RETREG1: variants seen among roughly 807,000 people sequenced by gnomAD.
RETREG1 encodes family with sequence similarity 134 member B.
Under a neutral mutation model 54.8 loss-of-function variants are expected in RETREG1, and 44 were observed. That is an observed-to-expected ratio of 0.80 (90% CI 0.63 to 1.03). RETREG1 has a LOEUF of 1.03. Among genes scored for constraint, RETREG1 ranks in the 50% least tolerant of loss-of-function variants. The probability of loss-of-function intolerance (pLI) is 0.00; values close to 1 mark genes in which losing one functional copy is unlikely to be tolerated. For synonymous variants in RETREG1, 217 were observed against 238.5 expected (o/e 0.91, Z 0.83); for missense variants, 554 against 605.1 (o/e 0.92, Z 0.89).
chr5:16,540,926 G>A (rs185238954), intron 3 of RETREG1, among the ~76,000 whole-genome samples: 40 of 152,268 alleles, frequency 2.6e-4, no homozygotes, highest in African/African-American at 8.9e-4. Flanking sequence ...CCAAGTAGAC[G>A]GGGAAAAGCA....
chr5:16,540,865 G>C (rs1453845311), intron 3 of RETREG1, among the ~76,000 whole-genome samples: 10 of 152,182 alleles, frequency 6.6e-5, no homozygotes, highest in Non-Finnish European at 1.5e-4. Context: ...CTATGTCTAT[G>C]TTAACCATGG....
chr5:16,533,609 C>A (rs1740976498), intron 3 of RETREG1, among the ~76,000 whole-genome samples: 1 of 152,230 alleles, frequency 6.6e-6, no homozygotes, highest in Non-Finnish European at 1.5e-5. Context: ...AGAATTCACA[C>A]CCCCATGGGT....
chr5:16,568,078 C>G (rs1449192275), intron 2 of RETREG1, among the ~76,000 whole-genome samples: 1 of 152,028 alleles, frequency 6.6e-6, no homozygotes, highest in Non-Finnish European at 1.5e-5. Context: ...GAGGAGTTTT[C>G]CAGGCCATAG....
At chr5:16,501,819 A>G (rs1579615752) in intron 3 of RETREG1, among the ~76,000 whole-genome samples, 1 of 152,338 alleles carries the variant, frequency 6.6e-6, no homozygotes, top group East Asian at 1.9e-4. Context: ...TGCTGGGATT[A>G]CAGGCATGAG....
At chr5:16,479,087 T>G (rs1451409366) in intron 5 of RETREG1, 100 bp from the exon 6 acceptor site, 1 of 1,071,120 alleles carries the variant, frequency 9.3e-7, no homozygotes, top group Non-Finnish European at 1.4e-6. Context: ...ACTGAAAAAC[T>G]TAAGTTTTTT....
intron 3 of RETREG1, among the ~76,000 whole-genome samples, chr5:16,553,231 T>C (rs1225675777): frequency 2.0e-5 from 3 of 152,126 alleles, no homozygotes; most frequent in African/African-American, 7.2e-5. Context: ...AAATAAGTTG[T>C]GATATAGTCC....
In RETREG1 at chr5:16,477,761, A is replaced by ACT. The variant is rs746122377; in HGVS notation, c.899_900dup (p.Leu301SerfsTer54). 1 of 1,613,438 alleles carries ACT rather than the reference A, an allele frequency of 6.2e-7. No individual in the cohort carries two copies. Among genetic ancestry groups the ACT allele is most frequent in the Admixed American group, 1.7e-5 (1 of 59,912 alleles). The stretch of plus-strand genomic sequence containing the variant: ...GAGACGTCTGTGTCAGACACAGATA[A>ACT]CTCTTTGGCAGCAACCGTGAGGCTA... On this transcript the variant is annotated frameshift_variant, in exon 8 of 9. Transcript: ENST00000306320. LOFTEE classifies it high-confidence loss of function.
chr5:16,572,085 G>A lies in RETREG1; in HGVS notation c.338C>T (p.Pro113Leu). The A allele has an allele frequency of 6.2e-7, 1 of 1,613,002 alleles. No individual in the cohort carries two copies. Reference sequence around the variant, plus strand: ...GGAAATCAGGTGATATACTCTCCATGGAGTCAATGCAAGGAACCTGCAACA... The same window carrying A: ...GGAAATCAGGTGATATACTCTCCATAGAGTCAATGCAAGGAACCTGCAACA... ...NLLFWFLALT[P>L]WRVYHLISVM... Residue 113 changes from proline (P) to leucine (L), a missense_variant, in exon 2 of 9, where the codon CCA becomes CTA. This residue lies in a region of RETREG1 where 347 missense variants were observed against 412.3 expected (regional missense o/e 0.84). Transcript: ENST00000306320.
chr5:16,563,748 T>G (rs1165564477), intron 3 of RETREG1, among the ~76,000 whole-genome samples: 1 of 152,218 alleles, frequency 6.6e-6, no homozygotes, highest in Non-Finnish European at 1.5e-5. Context: ...TTGTTTTTAT[T>G]GAAAAGTTTT....
chr5:16,500,293 G>A (rs958002487), intron 3 of RETREG1, among the ~76,000 whole-genome samples: 2 of 152,184 alleles, frequency 1.3e-5, no homozygotes, highest in African/African-American at 2.4e-5. Context: ...TCCAGGTTTT[G>A]CCGCATGCCT....
At chr5:16,510,055 TTGTTA>T (rs1740119166) in intron 3 of RETREG1, among the ~76,000 whole-genome samples, 1 of 147,398 alleles carries the variant, frequency 6.8e-6, no homozygotes, top group Admixed American at 6.6e-5. Flanking sequence ...GTGTATTCTG[TTGTTA>T]TGTTATAGCT....
intron 2 of RETREG1, among the ~76,000 whole-genome samples, chr5:16,570,660 G>T (rs771341486): frequency 4.6e-5 from 7 of 152,170 alleles, no homozygotes; most frequent in Non-Finnish European, 1.0e-4. Context: ...TACCAGATAT[G>T]AGTCAAGGCA....
chr5:16,502,043 G>A (rs376211231), intron 3 of RETREG1, among the ~76,000 whole-genome samples: 106 of 147,606 alleles, frequency 7.2e-4, no homozygotes, highest in African/African-American at 2.5e-3. Context: ...TGCAAGCTCC[G>A]CCTCCTGGGT....
At chr5:16,481,719 A>C (rs1232777742) in intron 4 of RETREG1, among the ~76,000 whole-genome samples, 1 of 151,994 alleles carries the variant, frequency 6.6e-6, no homozygotes, top group African/African-American at 2.4e-5. Context: ...TTGAAATGAA[A>C]CTCCTACAGT....
Position 16,508,730 on chromosome 5 carries a change from C to T in RETREG1, c.459-25258G>A. The T allele has an allele frequency of 1.9e-6, 3 of 1,557,192 alleles. 1 individual carries two copies. Among genetic ancestry groups the T allele is most frequent in the Middle Eastern group, 3.4e-4 (2 of 5,898 alleles). On this transcript the variant is annotated intron_variant, in intron 3 of 8. Coordinates refer to ENST00000306320, the MANE Select transcript of RETREG1 (RefSeq NM_001034850.3). The stretch of plus-strand genomic sequence containing the variant: ...ATGCTGAATATCAGGAGGAAAAAAA[C>T]CCAGTAGAGACGTTCTTTCCTTTTT...
At chr5:16,500,521 G>T (rs984558073) in intron 3 of RETREG1, among the ~76,000 whole-genome samples, 6 of 152,094 alleles carry the variant, frequency 3.9e-5, no homozygotes, top group Admixed American at 3.9e-4. Flanking sequence ...CTAGAGGAGA[G>T]CTGAAATTTT....
At chr5:16,573,560 C>T (rs1742240662) in intron 1 of RETREG1, among the ~76,000 whole-genome samples, 1 of 152,182 alleles carries the variant, frequency 6.6e-6, no homozygotes, top group Non-Finnish European at 1.5e-5. Context: ...CTTCTGCAAA[C>T]TTGCTTTCTC....
intron 3 of RETREG1, among the ~76,000 whole-genome samples, chr5:16,541,739 G>GGGAGGGAAGGAAGGAAGGAAGGAA (rs1379256353): frequency 4.1e-4 from 42 of 102,250 alleles, no homozygotes; most frequent in Admixed American, 9.9e-4. Context: ...GAGGGAGGGA[G>GGGAGGGAAGGAAGGAAGGAAGGAA]GGAAGGAAGG....
intron 3 of RETREG1, among the ~76,000 whole-genome samples, chr5:16,553,329 G>A (rs57114039): frequency 0.041 from 6,188 of 150,692 alleles, 396 homozygotes; most frequent in African/African-American, 0.14. Flanking sequence ...AAACGTGTAA[G>A]AAAAAAAAAC....
Sources: allele counts gnomAD v4.1 joint callset (sites outside exome capture counted in the v4.1 genomes callset), GRCh38; gene constraint gnomAD v4.1.1; regional missense constraint gnomAD v4.1.1; transcripts MANE v1.5; gene names NCBI Gene and HGNC (gene_info 2026-07-23, HGNC 2026-07-21).